Variants in C12orf71 observed in about 807,000 individuals in gnomAD.
The protein encoded by C12orf71 is chromosome 12 open reading frame 71, also known as uncharacterized protein C12orf71.
Under a neutral mutation model 11.7 loss-of-function variants are expected in C12orf71, and 10 were observed. The observed-to-expected ratio is 0.86, with a 90% CI of 0.53 to 1.45. The LOEUF (loss-of-function observed/expected upper bound fraction) is 1.45, where lower values mean the gene tolerates loss of function less well. Among genes scored for constraint, C12orf71 ranks in the 40% most tolerant of loss-of-function variants. C12orf71 has a pLI of 0.00. For missense variants in C12orf71, 293 were observed against 325.8 expected (o/e 0.90, Z 0.78); for synonymous variants, 110 against 123.4 (o/e 0.89, Z 0.72).
chr12:27,082,345 T>G lies in C12orf71; in HGVS notation c.139A>C (p.Lys47Gln). ...GGCAGAAAGTGGATGGAAGGACCCT[T>G]GGAAGGTGCATCTTCCCAGGAGGTT... is the stretch of plus-strand genomic sequence containing the variant. Reference protein sequence around the residue: ...DTTSWEDAPSKGPSIHFLPPV... With the variant: ...DTTSWEDAPSQGPSIHFLPPV... Residue 47 changes from lysine (K) to glutamine (Q), a missense_variant, in exon 1 of 2, where the codon AAG (lysine) becomes CAG (glutamine). Physicochemically the swap from Lys to Gln is moderately conservative, Grantham distance 53. Transcript: ENST00000429849. The G allele has an allele frequency of 6.2e-7, 1 of 1,600,196 alleles. No individual in the cohort carries two copies. The highest frequency in any genetic ancestry group is 1.7e-5 in the Admixed American group (1 of 57,726).
At position 27,082,136 on chromosome 12, in the gene C12orf71, T is replaced by C; in HGVS notation, c.348A>G (p.Ile116Met). The change falls in exon 1 of 2, where the codon ATA becomes ATG. Residue 116 changes from isoleucine (I) to methionine (M), a missense_variant. By Grantham distance (10) the Ile-to-Met change is conservative (BLOSUM62 1). Coordinates refer to ENST00000429849, the MANE Select transcript of C12orf71 (RefSeq NM_001080406.2). The part of the protein sequence containing the change: ...NRLLNGDNLW[I>M]DKLPKERTKL... ...TTGTTCTCTCTTTTGGTAACTTGTCTATCCACAGGTTGTCTCCATTTAGAA... is the reference window on the plus strand; with the variant it reads ...TTGTTCTCTCTTTTGGTAACTTGTCCATCCACAGGTTGTCTCCATTTAGAA... 6.2e-7 allele frequency: 1 copy of C among 1,613,680 alleles called. No homozygotes were observed.
At chr12:27,084,004 C>G (rs1941958094), upstream of C12orf71, among the ~76,000 whole-genome samples, 1 of 152,180 alleles carries the variant, frequency 6.6e-6, no homozygotes, top group South Asian at 2.1e-4. Context: ...GACTGTCACA[C>G]CCTGCTCTGG....
At chr12:27,082,635 A>C, upstream of C12orf71, 2 of 570,420 alleles carry the variant, frequency 3.5e-6, no homozygotes, top group Non-Finnish European at 5.5e-6. Context: ...TTTGAGACGA[A>C]GTCTCACTCT....
intron 1 of C12orf71, 82 bp from the exon 2 acceptor site, chr12:27,081,549 C>T: frequency 7.2e-7 from 1 of 1,388,428 alleles, no homozygotes; most frequent in Non-Finnish European, 9.9e-7. Context: ...GTGGAACTCA[C>T]ATCCTTTTAC....
upstream of C12orf71, among the ~76,000 whole-genome samples, chr12:27,083,479 AATG>A (rs1342521997): frequency 6.6e-6 from 1 of 152,226 alleles, no homozygotes; most frequent in East Asian, 1.9e-4. Context: ...TTCTAAAGAT[AATG>A]ATAACTATCA....
chr12:27,083,399 A>T (rs188604056), upstream of C12orf71, among the ~76,000 whole-genome samples: 15 of 152,348 alleles, frequency 9.8e-5, no homozygotes, highest in African/African-American at 3.6e-4. Flanking sequence ...AAAGAAAAGG[A>T]TGATCATTGT....
rs576362984 is a variant in C12orf71, at chr12:27,081,662, G to T, written c.517-195C>A. 2.6e-5 allele frequency among the ~76,000 whole-genome samples: 4 copies of T among 152,160 alleles called. No homozygotes were observed. The South Asian group carries it at 6.2e-4, about 24-fold the overall frequency. ...ATATAGTTAGCCCTTCTCCTTGCTT[G>T]CTACCCTCTTGTTTCCCTCAGCATT... On this transcript the variant is annotated intron_variant, in intron 1 of 1. Coordinates refer to ENST00000429849, the MANE Select transcript of C12orf71 (RefSeq NM_001080406.2).
chr12:27,083,018 G>A (rs1294088108), upstream of C12orf71, among the ~76,000 whole-genome samples: 1 of 151,672 alleles, frequency 6.6e-6, no homozygotes, highest in Non-Finnish European at 1.5e-5. Context: ...TCAGCTCACC[G>A]CAACCTCCGT....
In C12orf71 at chr12:27,082,009, C is replaced by G. The variant is rs1334900497; in HGVS notation, c.475G>C (p.Asp159His). ...GGGGAGCCGCTGGATAGCTGGAAAT[C>G]TTGCTGAGCAGTTTCAGGAAATACA... The part of the protein sequence containing the change: ...DAVFPETAQQ[D>H]FQLSSGSPPE... The change falls in exon 1 of 2, where the codon GAT becomes CAT. Residue 159 changes from aspartate (D) to histidine (H), a missense_variant. Coordinates refer to ENST00000429849, the MANE Select transcript of C12orf71 (RefSeq NM_001080406.2). The G allele has an allele frequency of 6.3e-7, 1 of 1,588,776 alleles. No homozygotes were observed. Among genetic ancestry groups the G allele is most frequent in the African/African-American group, 1.3e-5 (1 of 74,684 alleles).
At chr12:27,083,342 C>T (rs1191710336), upstream of C12orf71, among the ~76,000 whole-genome samples, 1 of 152,186 alleles carries the variant, frequency 6.6e-6, no homozygotes, top group Non-Finnish European at 1.5e-5. Flanking sequence ...TAAGCATCTC[C>T]ACTTCTCATC....
chr12:27,082,640 C>CAAA, upstream of C12orf71: 2 of 547,452 alleles, frequency 3.7e-6, no homozygotes, highest in Non-Finnish European at 5.8e-6. Context: ...GACGAAGTCT[C>CAAA]ACTCTGTCTC....
At chr12:27,081,851 A>G in intron 1 of C12orf71, 117 bp downstream of exon 1, 1 of 1,094,392 alleles carries the variant, frequency 9.1e-7, no homozygotes, top group South Asian at 1.3e-5. Flanking sequence ...TGCTCTCCTC[A>G]GCCAGCTCAT....
chr12:27,081,092 G>C lies in C12orf71; in HGVS notation c.*82C>G, dbSNP rs575177802. On this transcript the variant is annotated 3_prime_UTR_variant, in exon 2 of 2. Coordinates refer to ENST00000429849, the MANE Select transcript of C12orf71 (RefSeq NM_001080406.2). The stretch of plus-strand genomic sequence containing the variant: ...CAAGAGCATTTATTTTGTTTATTGA[G>C]GAAAAAACAAACTGATGGGGATTAT... 1.4e-5 allele frequency: 15 copies of C among 1,096,614 alleles called. No individual in the cohort carries two copies. The highest frequency in any genetic ancestry group is 2.0e-5 in the Non-Finnish European group (15 of 763,170). The allele number at this position is 1,096,614 out of a possible 1,614,324, so 67.9% of individuals were successfully genotyped here. A position where few individuals can be genotyped will look rare whatever the true frequency, so the allele number is the denominator to read the frequency against.
chr12:27,082,413 G>C lies in C12orf71; in HGVS notation c.71C>G (p.Ser24Cys). ...GTCCTCACAGGGGAAATAGCCCACA[G>C]AGAGGCTCAGGTTGGAATTGGATTT... ...SSKSNSNLSL[S>C]VGYFPCEDTP... is the part of the protein sequence containing the mutation. Residue 24 changes from serine (S) to cysteine (C), a missense_variant, in exon 1 of 2, where the codon TCT becomes TGT. By Grantham distance (112) the Ser-to-Cys change is moderately radical. Coordinates refer to ENST00000429849, the MANE Select transcript of C12orf71 (RefSeq NM_001080406.2). 6.5e-7 allele frequency: 1 copy of C among 1,541,890 alleles called. No individual in the cohort carries two copies. The highest frequency in any genetic ancestry group is 1.4e-5 in the African/African-American group (1 of 72,344).
At position 27,082,092 on chromosome 12, in the gene C12orf71, A is replaced by G. The variant is rs1355866114; in HGVS notation, c.392T>C (p.Leu131Pro). The change falls in exon 1 of 2, where the codon CTG becomes CCG. Residue 131 changes from leucine (L) to proline (P), a missense_variant. Leu to Pro is a moderately conservative substitution (Grantham distance 98, BLOSUM62 -3). Transcript: ENST00000429849. ...KERTKLSVGKLNNLVQEFQIF... is the reference protein window; with the variant it reads ...KERTKLSVGKPNNLVQEFQIF... ...CTGAAACTCTTGCACAAGATTATTCAGTTTGCCAACAGACAGTTTTGTTCT... is the reference window on the plus strand; with the variant it reads ...CTGAAACTCTTGCACAAGATTATTCGGTTTGCCAACAGACAGTTTTGTTCT... 1.2e-6 allele frequency: 2 copies of G among 1,611,464 alleles called. No homozygotes were observed. Among genetic ancestry groups the G allele is most frequent in the Non-Finnish European group, 1.7e-6 (2 of 1,178,610 alleles).
At chr12:27,083,534 A>C (rs377224207), upstream of C12orf71, among the ~76,000 whole-genome samples, 1 of 152,346 alleles carries the variant, frequency 6.6e-6, no homozygotes, top group East Asian at 1.9e-4. Flanking sequence ...ATTTATATAA[A>C]CACACATATA....
At position 27,082,568 on chromosome 12, in the gene C12orf71, G is replaced by C. The variant is rs1941946820; in HGVS notation, c.-85C>G. 96 of 1,006,486 alleles carry C rather than the reference G, an allele frequency of 9.5e-5. No homozygotes were observed. Among genetic ancestry groups the C allele is most frequent in the Non-Finnish European group, 1.2e-4 (87 of 732,840 alleles). The allele number at this position is 1,006,486 out of a possible 1,614,324, so 62.3% of individuals were successfully genotyped here. ...AATAGGTGGGACTAAGGAGAAGAGA[G>C]TCATAGTACTTAAGCAAAAACATTA... On this transcript the variant is annotated 5_prime_UTR_variant, in exon 1 of 2. Transcript: ENST00000429849.
In C12orf71 at chr12:27,082,149, T is replaced by C; in HGVS notation, c.335A>G (p.Asp112Gly). The change falls in exon 1 of 2, where the codon GAC becomes GGC. Residue 112 changes from aspartate to glycine, a missense_variant. By Grantham distance (94) the Asp-to-Gly change is moderately conservative (BLOSUM62 -1). Coordinates refer to ENST00000429849, the MANE Select transcript of C12orf71 (RefSeq NM_001080406.2). ...TGGTAACTTGTCTATCCACAGGTTG[T>C]CTCCATTTAGAAGCCTATTAGCTCT... ...DSRANRLLNG[D>G]NLWIDKLPKE... is the part of the protein sequence containing the mutation. 3 of 1,613,852 alleles carry C rather than the reference T, an allele frequency of 1.9e-6. No individual in the cohort carries two copies. The highest frequency in any genetic ancestry group is 2.5e-6 in the Non-Finnish European group (3 of 1,179,814).
At chr12:27,083,753 T>TAAAG (rs1448028958), upstream of C12orf71, among the ~76,000 whole-genome samples, 1 of 152,228 alleles carries the variant, frequency 6.6e-6, no homozygotes, top group African/African-American at 2.4e-5. Flanking sequence ...CTATGTCTCT[T>TAAAG]ATTTTTCTAT....
Sources: gnomAD v4.1 joint callset for allele counts (sites outside exome capture counted in the v4.1 genomes callset) on GRCh38, gnomAD v4.1.1 for gene constraint, MANE v1.5 for transcripts, NCBI Gene and HGNC (gene_info 2026-07-23, HGNC 2026-07-21) for gene names.